The following SEC63 variants were observed in gnomAD, a reference collection of about 807,000 sequenced individuals.
SEC63 encodes SEC63 protein translocation regulator, also known as translocation protein SEC63 homolog.
Under a neutral mutation model 116.2 loss-of-function variants are expected in SEC63, and 56 were observed. The observed-to-expected ratio is 0.48, with a 90% CI of 0.39 to 0.60. The LOEUF (loss-of-function observed/expected upper bound fraction) is 0.60, where lower values mean the gene tolerates loss of function less well. SEC63 is among the 20% of genes least tolerant of loss of function. The pLI, the probability that SEC63 is intolerant of heterozygous loss-of-function variation, is 0.00. For synonymous variants in SEC63, 273 were observed against 294.6 expected (o/e 0.93, Z 0.75); for missense variants, 668 against 900.0 (o/e 0.74, Z 3.30).
chr6:107,908,905 A>C (rs1473773499), intron 8 of SEC63, 22 bp downstream of exon 8: 2 of 1,402,590 alleles, frequency 1.4e-6, no homozygotes, highest in African/African-American at 2.8e-5. Context: ...ATTAATAGCA[A>C]AGTTACTTAA....
At chr6:107,920,353 G>A (rs1222392931) in intron 4 of SEC63, among the ~76,000 whole-genome samples, 2 of 150,646 alleles carry the variant, frequency 1.3e-5, no homozygotes, top group African/African-American at 2.5e-5. Context: ...ATGAACCTGG[G>A]AGGCAAAGCT....
At chr6:107,944,870 A>G (rs1770448580) in intron 1 of SEC63, among the ~76,000 whole-genome samples, 1 of 152,198 alleles carries the variant, frequency 6.6e-6, no homozygotes, top group Non-Finnish European at 1.5e-5. Flanking sequence ...CTGTACGGTC[A>G]AACAGTGAAC....
chr6:107,952,167 T>C (rs1309597862), intron 1 of SEC63, among the ~76,000 whole-genome samples: 2 of 152,062 alleles, frequency 1.3e-5, no homozygotes, highest in African/African-American at 2.4e-5. Flanking sequence ...CTAAAAGGGG[T>C]ATTAATTATA....
chr6:107,875,016 C>T (rs1786229124), intron 19 of SEC63, among the ~76,000 whole-genome samples: 1 of 151,840 alleles, frequency 6.6e-6, no homozygotes, highest in Non-Finnish European at 1.5e-5. Flanking sequence ...GGAGAAGGTC[C>T]TGGATTTTGT....
intron 1 of SEC63, among the ~76,000 whole-genome samples, chr6:107,953,493 C>T (rs1457118573): frequency 1.6e-5 from 2 of 128,160 alleles, no homozygotes; most frequent in African/African-American, 2.9e-5. Flanking sequence ...CCCCTCTGCC[C>T]GGCCAGCCGC....
chr6:107,913,464 C>A (rs1349863186), intron 4 of SEC63, 37 bp from the exon 5 acceptor site: 3 of 1,494,992 alleles, frequency 2.0e-6, no homozygotes. Flanking sequence ...AATTAGAAAG[C>A]CACATCTGAA....
intron 1 of SEC63, chr6:107,956,002 T>C (rs185879513): frequency 1.6e-5 from 7 of 426,594 alleles, no homozygotes; most frequent in Non-Finnish European, 3.4e-5. Context: ...AAATCCATCC[T>C]GACACAGTGG....
intron 5 of SEC63, among the ~76,000 whole-genome samples, 162 bp downstream of exon 5, chr6:107,913,191 AAACTAGTCTTTAG>A (rs1787325127): frequency 6.6e-6 from 1 of 152,200 alleles, no homozygotes; most frequent in African/African-American, 2.4e-5. Context: ...TATATCTTTC[AAACTAGTCTTTAG>A]AAAGAAAAAT....
At chr6:107,915,784 G>C (rs1048692410) in intron 4 of SEC63, among the ~76,000 whole-genome samples, 1 of 152,112 alleles carries the variant, frequency 6.6e-6, no homozygotes, top group African/African-American at 2.4e-5. Flanking sequence ...TTATTCATGA[G>C]ATAGGAACTT....
chr6:107,912,656 T>C (rs1787308205), intron 6 of SEC63, 60 bp downstream of exon 6: 25 of 964,438 alleles, frequency 2.6e-5, no homozygotes, highest in Non-Finnish European at 3.9e-5. Flanking sequence ...CCAAGACAGA[T>C]TGTACATAAC....
In SEC63 at chr6:107,871,764, G is replaced by C. The variant is rs1562310479; in HGVS notation, c.2223C>G (p.Asp741Glu). The C allele has an allele frequency of 1.2e-6, 2 of 1,613,570 alleles. No individual in the cohort carries two copies. The highest frequency in any genetic ancestry group is 1.3e-5 in the African/African-American group (1 of 75,008). The part of the protein sequence containing the change: ...TAIEGDEDQE[D>E]SEGFEDSFEE... ...CAAAGCTATCTTCAAAGCCCTCACT[G>C]TCCTCCTGGTCTTCATCCCCCTCTA... The change falls in exon 21 of 21, where the codon GAC becomes GAG. Residue 741 changes from aspartate to glutamate, a missense_variant. Transcript: ENST00000369002.
chr6:107,946,104 T>A (rs1002636900), intron 1 of SEC63, among the ~76,000 whole-genome samples: 1 of 150,858 alleles, frequency 6.6e-6, no homozygotes, highest in Non-Finnish European at 1.5e-5. Context: ...GCCCAGCTAA[T>A]TTTTGTATTT....
chr6:107,875,542 C>T (rs1786243003), intron 19 of SEC63, among the ~76,000 whole-genome samples: 1 of 151,994 alleles, frequency 6.6e-6, no homozygotes, highest in Non-Finnish European at 1.5e-5. Context: ...ACAAAAAATA[C>T]AAAAATTAGC....
intron 1 of SEC63, among the ~76,000 whole-genome samples, chr6:107,947,658 C>A (rs1328123519): frequency 6.6e-6 from 1 of 152,194 alleles, no homozygotes. Flanking sequence ...TTCAAGAGGA[C>A]AAGAAATAAG....
chr6:107,877,696 C>A (rs1786314161), intron 18 of SEC63, among the ~76,000 whole-genome samples: 1 of 152,184 alleles, frequency 6.6e-6, no homozygotes, highest in South Asian at 2.1e-4. Context: ...CCCATTTAGG[C>A]CTCCCAAAGT....
At chr6:107,886,998 A>C (rs1314619433) in intron 16 of SEC63, among the ~76,000 whole-genome samples, 1 of 152,096 alleles carries the variant, frequency 6.6e-6, no homozygotes, top group African/African-American at 2.4e-5. Context: ...GTTTTCTTCT[A>C]GGGTTTTTAT....
chr6:107,899,716 CAAA>C (rs35917805), intron 13 of SEC63, among the ~76,000 whole-genome samples: 1 of 146,770 alleles, frequency 6.8e-6, no homozygotes. Flanking sequence ...AAGACTGTCT[CAAA>C]AAAAAAAAGA....
chr6:107,893,930 T>G (rs1358128321), intron 14 of SEC63, 33 bp from the exon 15 acceptor site: 1 of 1,604,484 alleles, frequency 6.2e-7, no homozygotes, highest in East Asian at 2.2e-5. Flanking sequence ...ATACAAAATC[T>G]GTCAACCTAT....
At chr6:107,909,710 AAAC>A (rs926141576) in intron 7 of SEC63, among the ~76,000 whole-genome samples, 2 of 152,208 alleles carry the variant, frequency 1.3e-5, no homozygotes, top group Non-Finnish European at 2.9e-5. Flanking sequence ...AATACTTGAT[AAAC>A]AAATGTAGGC....
Sources: allele counts gnomAD v4.1 joint callset (sites outside exome capture counted in the v4.1 genomes callset), GRCh38; gene constraint gnomAD v4.1.1; transcripts MANE v1.5; gene names NCBI Gene and HGNC (gene_info 2026-07-23, HGNC 2026-07-21).